AATK: variants seen among roughly 807,000 people sequenced by gnomAD.
AATK encodes serine/threonine-protein kinase LMTK1.
In AATK, 91 loss-of-function variants were observed where a neutral mutation model predicts 114.3. The observed-to-expected ratio is 0.80, with a 90% CI of 0.67 to 0.95. The LOEUF (loss-of-function observed/expected upper bound fraction) is 0.95. Among genes scored for constraint, AATK ranks in the 40% least tolerant of loss-of-function variants. The probability of loss-of-function intolerance (pLI) is 0.00; values close to 1 mark genes in which losing one functional copy is unlikely to be tolerated. For missense variants in AATK, 2,176 were observed against 1,965.2 expected, an observed-to-expected ratio of 1.11 and a Z score of -2.03; for synonymous variants, 1,075 against 916.5, an observed-to-expected ratio of 1.17 and a Z score of -3.12.
Position 81,118,407 on chromosome 17 carries a change from CCTCTTTA to C in AATK, c.4113_4119del (p.Ser1371ArgfsTer57). Reference sequence around the variant, plus strand: ...GGGCAGGAGCTGCCCAGGTCTCAAGCCTCTTTACTCTCACCCCCGGCACCAGCTTCAG... The same window carrying C: ...GGGCAGGAGCTGCCCAGGTCTCAAGCCTCTCACCCCCGGCACCAGCTTCAG... On this transcript the variant is annotated frameshift_variant, in exon 14 of 14. Transcript: ENST00000326724. LOFTEE classifies it high-confidence loss of function. 6.2e-7 allele frequency: 1 copy of C among 1,607,870 alleles called. No homozygotes were observed.
intron 1 of AATK, among the ~76,000 whole-genome samples, chr17:81,155,983 G>T (rs1162488905): frequency 1.3e-5 from 2 of 152,000 alleles, no homozygotes; most frequent in Non-Finnish European, 2.9e-5. Flanking sequence ...ATTTATTTAT[G>T]AGCACAGTTC....
chr17:81,158,548 A>T (rs2061394193), intron 1 of AATK, among the ~76,000 whole-genome samples: 1 of 152,222 alleles, frequency 6.6e-6, no homozygotes. Context: ...CCACCTGCTC[A>T]CTGCGCACAG....
Position 81,126,206 on chromosome 17 carries a change from C to T in AATK, c.755+221G>A, listed in dbSNP as rs2060820058. Among the ~76,000 whole-genome samples the T allele has an allele frequency of 6.6e-6, 1 of 152,186 alleles. No individual in the cohort carries two copies. The highest frequency in any genetic ancestry group is 1.5e-5 in the Non-Finnish European group (1 of 68,024). Reference sequence around the variant, plus strand: ...GAGAACAGGCCAGCTTGACAGTACGCATCTCTTCGTCTAAACCTGCAAAGT... The same window carrying T: ...GAGAACAGGCCAGCTTGACAGTACGTATCTCTTCGTCTAAACCTGCAAAGT... On this transcript the variant is annotated intron_variant, in intron 7 of 13. Coordinates refer to ENST00000326724, the MANE Select transcript of AATK (RefSeq NM_001080395.3). This position sits in a 1 kb window ranked among gnomAD's most constrained non-coding sequence, Gnocchi z 5.1.
At position 81,165,525 on chromosome 17, in the gene AATK, G is replaced by C. The variant is rs1039033184; in HGVS notation, c.55+413C>G. ...GCTCTGAGAATCGCTCCCAGCCTGG[G>C]AAGAAGCCTCCCACGCCAGGGCCCC... On this transcript the variant is annotated intron_variant, in intron 1 of 13. Transcript: ENST00000326724. The C allele has an allele frequency of 7.7e-6, 6 of 777,862 alleles. No homozygotes were observed. The African/African-American group carries it at 1.1e-4, about 14-fold the overall frequency. 48.2% of individuals were successfully genotyped at this position (777,862 alleles called of 1,614,324 possible).
chr17:81,162,670 C>T (rs2061440281), intron 1 of AATK, among the ~76,000 whole-genome samples: 1 of 152,206 alleles, frequency 6.6e-6, no homozygotes, highest in African/African-American at 2.4e-5. Context: ...CTGCCCAGCC[C>T]TGTGCCAGGT....
At chr17:81,125,250 G>T (rs1452620040) in intron 7 of AATK, 2 of 727,060 alleles carry the variant, frequency 2.8e-6, no homozygotes, top group East Asian at 2.5e-5. Context: ...GAGGGACTGT[G>T]TGCGTGGGCC....
intron 2 of AATK, 113 bp downstream of exon 2, chr17:81,134,255 C>T (rs1227152437): frequency 7.6e-6 from 11 of 1,441,342 alleles, no homozygotes; most frequent in Non-Finnish European, 1.0e-5. Context: ...CAACTACGGC[C>T]ACCCAGCAGC....
chr17:81,165,187 T>C (rs1353652183), intron 1 of AATK, among the ~76,000 whole-genome samples: 1 of 152,232 alleles, frequency 6.6e-6, no homozygotes, highest in Non-Finnish European at 1.5e-5. Flanking sequence ...GAAAGCCCAC[T>C]GCTTCCTGGT....
At chr17:81,163,391 G>A (rs1598235033) in intron 1 of AATK, among the ~76,000 whole-genome samples, 1 of 152,292 alleles carries the variant, frequency 6.6e-6, no homozygotes, top group East Asian at 1.9e-4. Flanking sequence ...CCTGGACCCG[G>A]CCATCCTGCC....
intron 1 of AATK, among the ~76,000 whole-genome samples, chr17:81,153,552 G>A (rs534507681): frequency 5.9e-5 from 9 of 152,286 alleles, no homozygotes; most frequent in East Asian, 1.9e-4. Flanking sequence ...CTAAGAAGCC[G>A]GGGAAGTTAC....
At chr17:81,134,062 C>T (rs1045018113) in intron 2 of AATK, among the ~76,000 whole-genome samples, 4 of 152,194 alleles carry the variant, frequency 2.6e-5, no homozygotes, top group South Asian at 2.1e-4. Context: ...GAGCCCCCGA[C>T]GCCCCCTGCA....
At position 81,121,827 on chromosome 17, in the gene AATK, G is replaced by A. The variant is rs1260797060; in HGVS notation, c.2109C>T (p.Gly703=). Residue 703 remains glycine, a synonymous_variant, in exon 11 of 14, where the codon GGC becomes GGT. Coordinates refer to ENST00000326724, the MANE Select transcript of AATK (RefSeq NM_001080395.3). ...PESWDPVSAG[G]HAEGCPSPKQ... Reference sequence around the variant, plus strand: ...TTGGACTGGGGCAGCCCTCAGCGTGGCCGCCCGCAGAGACGGGGTCCCAGG... The same window carrying A: ...TTGGACTGGGGCAGCCCTCAGCGTGACCGCCCGCAGAGACGGGGTCCCAGG... 2.5e-6 allele frequency: 4 copies of A among 1,590,052 alleles called. No individual in the cohort carries two copies. The highest frequency in any genetic ancestry group is 2.6e-6 in the Non-Finnish European group (3 of 1,174,938).
rs2060684620 is a variant in AATK at position 81,120,348 on chromosome 17, C to T, written c.3588G>A (p.Val1196=). ...GCGCGCTCTGGCTCTCAGCCACCAC[C>T]ACGGGCACCGCCGGCGCCTCCTCTT... ...DSEEEAPAVP[V]VVAESQSARN... Residue 1196 remains valine (V), a synonymous_variant, in exon 11 of 14, where the codon GTG becomes GTA. Coordinates refer to ENST00000326724, the MANE Select transcript of AATK (RefSeq NM_001080395.3). 3.1e-6 allele frequency: 5 copies of T among 1,610,240 alleles called. No individual in the cohort carries two copies. Among genetic ancestry groups the T allele is most frequent in the Non-Finnish European group, 4.2e-6 (5 of 1,179,208 alleles).
At position 81,119,550 on chromosome 17, in the gene AATK, G is replaced by A. The variant is rs779468304; in HGVS notation, c.3914C>T (p.Pro1305Leu). Residue 1305 changes from proline (P) to leucine (L), a missense_variant, in exon 13 of 14, where the codon CCG becomes CTG. Transcript: ENST00000326724. The part of the protein sequence containing the change: ...GGGFAWDDDF[P>L]LMTAKAAFAM... ...GAAGGCTGCCTTGGCCGTCATCAGC[G>A]GGAAGTCGTCGTCCCACGCGAACCC... 21 of 1,581,862 alleles carry A rather than the reference G, an allele frequency of 1.3e-5. No individual in the cohort carries two copies. The highest frequency in any genetic ancestry group is 9.5e-5 in the East Asian group (4 of 42,326).
intron 2 of AATK, 52 bp from the exon 3 acceptor site, chr17:81,131,257 G>A: frequency 2.0e-6 from 3 of 1,517,672 alleles, no homozygotes; most frequent in South Asian, 1.2e-5. Context: ...AAGGAAGGGT[G>A]TGGCTGGGCC....
intron 9 of AATK, 38 bp downstream of exon 9, chr17:81,124,689 G>T (rs7503304): frequency 0.052 from 83,597 of 1,602,404 alleles, 2,413 homozygotes; most frequent in Middle Eastern, 0.078. Context: ...GTGGCACTCG[G>T]CCTCGGCCCC....
rs111727085 is a variant in AATK, at chr17:81,156,145, A to G, written c.55+9793T>C. ...ATGTTACAATGTATGTTACTATGTT[A>G]CAATGTATGTTATCATGTTACAATG... On this transcript the variant is annotated intron_variant, in intron 1 of 13. Coordinates refer to ENST00000326724, the MANE Select transcript of AATK (RefSeq NM_001080395.3). 3.9e-3 allele frequency among the ~76,000 whole-genome samples: 34 copies of G among 8,702 alleles called. No individual in the cohort carries two copies. In the South Asian group the frequency reaches 0.049, roughly 13 times the overall value. The allele number at this position is 8,702 out of a possible 152,430, so 5.7% of individuals were successfully genotyped here.
chr17:81,147,102 C>G (rs1002349641), intron 1 of AATK, among the ~76,000 whole-genome samples: 20 of 151,456 alleles, frequency 1.3e-4, no homozygotes, highest in Admixed American at 3.9e-4. Context: ...GTGGCTCCCG[C>G]CTGTAATCTC....
Position 81,122,250 on chromosome 17 carries a change from G to T in AATK, c.1686C>A (p.Asp562Glu), listed in dbSNP as rs1344001838. Reference sequence around the variant, plus strand: ...AGGCGGCGGTGCTGCCGTCAGAGTCGTCGTCCTGGTCCGCGGTGGCAGGTG... The same window carrying T: ...AGGCGGCGGTGCTGCCGTCAGAGTCTTCGTCCTGGTCCGCGGTGGCAGGTG... The part of the protein sequence containing the change: ...PSPPATADQD[D>E]DSDGSTAASL... Residue 562 changes from aspartate to glutamate, a missense_variant, in exon 11 of 14, where the codon GAC becomes GAA. Coordinates refer to ENST00000326724, the MANE Select transcript of AATK (RefSeq NM_001080395.3). The T allele has an allele frequency of 8.7e-6, 13 of 1,492,280 alleles. No homozygotes were observed. Among genetic ancestry groups the T allele is most frequent in the Non-Finnish European group, 1.2e-5 (13 of 1,124,654 alleles). The allele number at this position is 1,492,280 out of a possible 1,614,324, so 92.4% of individuals were successfully genotyped here. A position where few individuals can be genotyped will look rare whatever the true frequency, so the allele number is the denominator to read the frequency against.
Sources: gnomAD v4.1 joint callset for allele counts (sites outside exome capture counted in the v4.1 genomes callset) on GRCh38, gnomAD v4.1.1 for gene constraint, Gnocchi (gnomAD v3.1) non-coding constraint, MANE v1.5 for transcripts, NCBI Gene and HGNC (gene_info 2026-07-23, HGNC 2026-07-21) for gene names.